Variants in DGKI observed in about 807,000 individuals in gnomAD.
DGKI encodes diacylglycerol kinase iota.
DGKI carries 55 observed loss-of-function variants against 147.5 expected under a neutral mutation model. The observed-to-expected ratio is 0.37, with a 90% CI of 0.30 to 0.47. The LOEUF (loss-of-function observed/expected upper bound fraction) is 0.47. Among genes scored for constraint, DGKI ranks in the 20% least tolerant of loss-of-function variants. DGKI has a pLI of 1.00. For synonymous variants in DGKI, 469 were observed against 477.1 expected (o/e 0.98, Z 0.22); for missense variants, 1,007 against 1,323.8 (o/e 0.76, Z 3.71).
rs1169986612 is a variant in DGKI at position 137,722,685 on chromosome 7, C to T, written c.402-32683G>A. 46 of 1,573,772 alleles carry T rather than the reference C, an allele frequency of 2.9e-5. No individual in the cohort carries two copies. The Admixed American group carries it at 5.3e-4, about 18-fold the overall frequency. The stretch of plus-strand genomic sequence containing the variant: ...CCAGACACCAGGAAGGTGAGATCTT[C>T]GACACAGAAAAAGAGAAATATGAGA... On this transcript the variant is annotated intron_variant, in intron 1 of 32. Coordinates refer to ENST00000614521, the MANE Select transcript of DGKI (RefSeq NM_001321708.2).
chr7:137,401,598 T>A (rs1157903108), intron 30 of DGKI, among the ~76,000 whole-genome samples: 1 of 152,168 alleles, frequency 6.6e-6, no homozygotes, highest in Non-Finnish European at 1.5e-5. Flanking sequence ...GGGCTTGTTT[T>A]ATATACACAT....
chr7:137,495,513 A>G (rs891495488), intron 21 of DGKI, among the ~76,000 whole-genome samples: 5 of 150,596 alleles, frequency 3.3e-5, no homozygotes, highest in Non-Finnish European at 5.9e-5. Context: ...AAAAAAAAAA[A>G]AAAAAAAAAA....
At chr7:137,522,881 A>G (rs938970956) in intron 20 of DGKI, among the ~76,000 whole-genome samples, 2 of 152,042 alleles carry the variant, frequency 1.3e-5, no homozygotes, top group South Asian at 4.1e-4. Context: ...ACGACCTTAT[A>G]CTGGGATTTC....
intron 28 of DGKI, among the ~76,000 whole-genome samples, chr7:137,412,438 G>C (rs1812198482): frequency 6.6e-6 from 1 of 152,146 alleles, no homozygotes; most frequent in African/African-American, 2.4e-5. Flanking sequence ...CCTTGGTACA[G>C]TAAATATTTT....
At chr7:137,485,851 T>C (rs1257406642) in intron 22 of DGKI, among the ~76,000 whole-genome samples, 1 of 152,128 alleles carries the variant, frequency 6.6e-6, no homozygotes, top group African/African-American at 2.4e-5. Flanking sequence ...CATACTGTCA[T>C]GGTAACTGTT....
intron 3 of DGKI, among the ~76,000 whole-genome samples, chr7:137,666,432 C>T (rs1442851336): frequency 6.6e-6 from 1 of 152,146 alleles, no homozygotes; most frequent in Non-Finnish European, 1.5e-5. Context: ...AACAAAAAAA[C>T]AGAAAGCTAC....
chr7:137,820,477 G>A (rs73446733), intron 1 of DGKI, among the ~76,000 whole-genome samples: 2,025 of 152,314 alleles, frequency 0.013, 39 homozygotes, highest in African/African-American at 0.045. Flanking sequence ...GCAGAGAAGC[G>A]CAGCTGGTGG....
intron 21 of DGKI, among the ~76,000 whole-genome samples, chr7:137,502,966 T>A (rs1255841475): frequency 2.0e-5 from 3 of 152,080 alleles, no homozygotes; most frequent in Non-Finnish European, 4.4e-5. Context: ...GGAAAGGCTG[T>A]AAACAGGGAG....
At chr7:137,720,296 C>T (rs1350050999) in intron 1 of DGKI, among the ~76,000 whole-genome samples, 6 of 117,626 alleles carry the variant, frequency 5.1e-5, no homozygotes, top group Non-Finnish European at 8.3e-5. Flanking sequence ...CTCGCTCTTT[C>T]GCCCAGGCTG....
intron 14 of DGKI, among the ~76,000 whole-genome samples, chr7:137,584,450 T>C (rs1291202624): frequency 2.0e-5 from 3 of 152,214 alleles, no homozygotes; most frequent in Non-Finnish European, 2.9e-5. Flanking sequence ...ATATATCCCT[T>C]GGTTTGCTTT....
intron 28 of DGKI, among the ~76,000 whole-genome samples, chr7:137,427,597 T>G (rs1375775679): frequency 5.9e-5 from 9 of 152,108 alleles, no homozygotes; most frequent in Non-Finnish European, 1.3e-4. Flanking sequence ...CTTCAAAAAA[T>G]TAAAGAATCC....
chr7:137,609,687 T>C (rs903473203), intron 8 of DGKI, 78 bp from the exon 9 acceptor site: 5 of 1,006,436 alleles, frequency 5.0e-6, no homozygotes, highest in Non-Finnish European at 7.8e-6. Context: ...AAGTAGAAGA[T>C]GACGGCAGCG....
intron 19 of DGKI, among the ~76,000 whole-genome samples, chr7:137,569,536 GGC>G (rs1818712601): frequency 6.6e-6 from 1 of 151,632 alleles, no homozygotes; most frequent in Non-Finnish European, 1.5e-5. Flanking sequence ...AGACCATCCT[GGC>G]AAACATGGTG....
chr7:137,625,962 A>G (rs927206044), intron 6 of DGKI, among the ~76,000 whole-genome samples: 3 of 151,864 alleles, frequency 2.0e-5, no homozygotes, highest in Non-Finnish European at 2.9e-5. Context: ...CTCAATAAAA[A>G]CCCTGGACAC....
At chr7:137,552,957 T>C (rs1001979007) in intron 19 of DGKI, among the ~76,000 whole-genome samples, 3 of 151,988 alleles carry the variant, frequency 2.0e-5, no homozygotes, top group African/African-American at 7.2e-5. Flanking sequence ...CCCAAGTCCA[T>C]TGTACATAAC....
At chr7:137,779,901 G>A (rs535338390) in intron 1 of DGKI, among the ~76,000 whole-genome samples, 42 of 152,292 alleles carry the variant, frequency 2.8e-4, no homozygotes, top group African/African-American at 1.0e-3. Flanking sequence ...CAGTCATTCA[G>A]TGAGAGATGA....
At chr7:137,654,821 G>C (rs778400201) in intron 4 of DGKI, 33 bp from the exon 5 acceptor site, 4 of 1,395,624 alleles carry the variant, frequency 2.9e-6, no homozygotes, top group African/African-American at 2.9e-5. Flanking sequence ...TATTATATTA[G>C]AGATAAGCAT....
chr7:137,571,952 C>T (rs182707741), intron 18 of DGKI, among the ~76,000 whole-genome samples: 3 of 152,248 alleles, frequency 2.0e-5, no homozygotes, highest in African/African-American at 7.2e-5. Context: ...AGAATCAAGG[C>T]CTTCTACTTC....
At chr7:137,396,426 A>G (rs1453595309) in intron 31 of DGKI, among the ~76,000 whole-genome samples, 1 of 152,206 alleles carries the variant, frequency 6.6e-6, no homozygotes, top group African/African-American at 2.4e-5. Context: ...GGAGGAGGGT[A>G]TTCCTATCCT....
Sources: gnomAD v4.1 joint callset for allele counts (sites outside exome capture counted in the v4.1 genomes callset) on GRCh38, gnomAD v4.1.1 for gene constraint, MANE v1.5 for transcripts, NCBI Gene and HGNC (gene_info 2026-07-23, HGNC 2026-07-21) for gene names.